ZBTB20: variants seen among roughly 807,000 people sequenced by gnomAD.
The protein encoded by ZBTB20 is zinc finger and BTB domain containing 20.
ZBTB20 carries 9 observed loss-of-function variants against 56.9 expected under a neutral mutation model. That is an observed-to-expected ratio of 0.16 (90% CI 0.10 to 0.28). The LOEUF (loss-of-function observed/expected upper bound fraction) is 0.28. ZBTB20 is among the 10% of genes least tolerant of loss of function. The pLI is 1.00. For missense variants in ZBTB20, 655 were observed against 1,003.0 expected (o/e 0.65, Z 4.69); for synonymous variants, 417 against 420.7 (o/e 0.99, Z 0.11).
intron 5 of ZBTB20, among the ~76,000 whole-genome samples, chr3:114,781,611 C>T (rs1442702705): frequency 6.6e-6 from 1 of 152,104 alleles, no homozygotes; most frequent in Non-Finnish European, 1.5e-5. Context: ...ATGCTACACC[C>T]ATTTGTGGCT....
intron 5 of ZBTB20, among the ~76,000 whole-genome samples, chr3:114,727,801 T>A (rs1460996925): frequency 1.3e-5 from 2 of 152,184 alleles, no homozygotes; most frequent in Non-Finnish European, 2.9e-5. Flanking sequence ...GCAATTTATC[T>A]TTCCTTAAAA....
chr3:114,341,715 C>A (rs960756914), intron 11 of ZBTB20, among the ~76,000 whole-genome samples: 3 of 152,196 alleles, frequency 2.0e-5, no homozygotes, highest in Admixed American at 6.5e-5. Context: ...CATTAATTAT[C>A]CATGTGACCC....
At chr3:115,097,412 G>A (rs764303105) in intron 1 of ZBTB20, among the ~76,000 whole-genome samples, 3 of 151,718 alleles carry the variant, frequency 2.0e-5, no homozygotes, top group South Asian at 2.1e-4. Flanking sequence ...TCGATCTCCC[G>A]ACCTCGTGAT....
chr3:114,451,762 C>T (rs994984951), intron 7 of ZBTB20, among the ~76,000 whole-genome samples: 9 of 152,126 alleles, frequency 5.9e-5, no homozygotes, highest in Admixed American at 3.9e-4. Context: ...AGAACTGGAG[C>T]GGATTGCCTA....
intron 2 of ZBTB20, among the ~76,000 whole-genome samples, chr3:115,018,338 T>C (rs1409645165): frequency 1.3e-5 from 2 of 151,326 alleles, no homozygotes; most frequent in Non-Finnish European, 1.5e-5. Flanking sequence ...CCACAGACTA[T>C]AACGAAAAGT....
intron 6 of ZBTB20, among the ~76,000 whole-genome samples, chr3:114,661,152 C>T (rs912011683): frequency 4.6e-5 from 7 of 152,044 alleles, no homozygotes; most frequent in African/African-American, 1.7e-4. Context: ...CTCAGTGTCT[C>T]TGTAATTCTT....
intron 5 of ZBTB20, among the ~76,000 whole-genome samples, chr3:114,699,807 C>A (rs1234570044): frequency 2.6e-5 from 4 of 151,974 alleles, no homozygotes; most frequent in Non-Finnish European, 4.4e-5. Flanking sequence ...TGAGAACTTA[C>A]CTGTTCTTCT....
intron 7 of ZBTB20, among the ~76,000 whole-genome samples, chr3:114,485,723 GGTGTGAAGGAGCT>G (rs1359488801): frequency 6.6e-6 from 1 of 152,012 alleles, no homozygotes; most frequent in African/African-American, 2.4e-5. Context: ...TTATATAAAA[GGTGTGAAGGAGCT>G]GTCTCTCTCC....
intron 6 of ZBTB20, among the ~76,000 whole-genome samples, chr3:114,563,801 T>A (rs1485661435): frequency 6.6e-6 from 1 of 152,130 alleles, no homozygotes; most frequent in Non-Finnish European, 1.5e-5. Context: ...CCTTAGAAGA[T>A]TAAGTTAATA....
At chr3:114,591,094 T>C (rs2055714297) in intron 6 of ZBTB20, among the ~76,000 whole-genome samples, 2 of 152,176 alleles carry the variant, frequency 1.3e-5, no homozygotes, top group Admixed American at 6.5e-5. Context: ...TTTTCCAAGA[T>C]AAAAAAAGTC....
chr3:114,639,993 T>C (rs1346797516), intron 6 of ZBTB20, among the ~76,000 whole-genome samples: 1 of 152,094 alleles, frequency 6.6e-6, no homozygotes, highest in Admixed American at 6.6e-5. Context: ...TATACAAAAA[T>C]CTATTTTTTA....
At chr3:115,071,081 T>C (rs933573223) in intron 2 of ZBTB20, 138 bp downstream of exon 2, 5 of 152,100 alleles carry the variant, frequency 3.3e-5, no homozygotes, top group Non-Finnish European at 7.4e-5. Flanking sequence ...CTGCAAACTA[T>C]CAATCATCTT....
chr3:114,922,311 T>C (rs2107761988), intron 3 of ZBTB20, among the ~76,000 whole-genome samples: 1 of 152,138 alleles, frequency 6.6e-6, no homozygotes, highest in Middle Eastern at 3.4e-3. Context: ...TTAAACATAG[T>C]ATTGGAATTC....
intron 2 of ZBTB20, among the ~76,000 whole-genome samples, chr3:115,063,071 T>C (rs2082069777): frequency 1.3e-5 from 2 of 152,206 alleles, no homozygotes; most frequent in African/African-American, 2.4e-5. Flanking sequence ...CAACAACTTT[T>C]AGATTCTTCA....
chr3:114,694,635 C>A (rs1477790161), intron 5 of ZBTB20, among the ~76,000 whole-genome samples: 1 of 151,726 alleles, frequency 6.6e-6, no homozygotes, highest in Non-Finnish European at 1.5e-5. Flanking sequence ...ATGAGAAAAG[C>A]CAAGATTCAA....
At chr3:114,885,501 T>C (rs1268825607) in intron 4 of ZBTB20, among the ~76,000 whole-genome samples, 1 of 152,174 alleles carries the variant, frequency 6.6e-6, no homozygotes, top group African/African-American at 2.4e-5. Context: ...TGAATTGTAA[T>C]TATTTACTCA....
At chr3:114,633,301 G>A (rs2059070566) in intron 6 of ZBTB20, among the ~76,000 whole-genome samples, 1 of 152,134 alleles carries the variant, frequency 6.6e-6, no homozygotes, top group Non-Finnish European at 1.5e-5. Context: ...GAGTCCCCAA[G>A]TTTTTTCAAC....
chr3:114,884,268 G>A (rs1274054475), intron 4 of ZBTB20, among the ~76,000 whole-genome samples: 1 of 152,112 alleles, frequency 6.6e-6, no homozygotes, highest in African/African-American at 2.4e-5. Context: ...TGTAAATTAG[G>A]ATGTGGCTAA....
At chr3:114,632,597 T>C (rs1578072621) in intron 6 of ZBTB20, among the ~76,000 whole-genome samples, 2 of 152,214 alleles carry the variant, frequency 1.3e-5, no homozygotes, top group African/African-American at 4.8e-5. Flanking sequence ...TTTGATTCTT[T>C]TGTACTGTGC....
Sources: allele counts gnomAD v4.1 joint callset (sites outside exome capture counted in the v4.1 genomes callset), GRCh38; gene constraint gnomAD v4.1.1; transcripts MANE v1.5; gene names NCBI Gene and HGNC (gene_info 2026-07-23, HGNC 2026-07-21).